GABRB2: variants seen among roughly 807,000 people sequenced by gnomAD.
The protein encoded by GABRB2 is gamma-aminobutyric acid type A receptor subunit beta2, also known as gamma-aminobutyric acid receptor subunit beta-2.
A neutral mutation model predicts 54.7 loss-of-function variants in GABRB2; 16 were observed. That is an observed-to-expected ratio of 0.29 (90% confidence interval 0.20 to 0.44). The LOEUF is 0.44. GABRB2 is among the 20% of genes least tolerant of loss of function. GABRB2 has a pLI of 1.00. For synonymous variants in GABRB2, 244 were observed against 233.8 expected (o/e 1.04, Z -0.40); for missense variants, 355 against 644.0 (o/e 0.55, Z 4.86).
chr5:161,407,403 G>A (rs1301576977), intron 5 of GABRB2, among the ~76,000 whole-genome samples: 1 of 152,058 alleles, frequency 6.6e-6, no homozygotes, highest in Admixed American at 6.6e-5. Context: ...TCCTGACAAT[G>A]TGATTAAAAC....
At chr5:161,372,877 C>G (rs1013942423) in intron 5 of GABRB2, among the ~76,000 whole-genome samples, 3 of 152,158 alleles carry the variant, frequency 2.0e-5, no homozygotes, top group Non-Finnish European at 4.4e-5. Context: ...CTCTGCTATG[C>G]TGCATGCACT....
At chr5:161,330,708 T>C (rs1753812773) in intron 8 of GABRB2, 175 bp downstream of exon 8, 3 of 822,042 alleles carry the variant, frequency 3.6e-6, no homozygotes, top group Non-Finnish European at 5.7e-6. Flanking sequence ...TCTTGTGTCA[T>C]GAGTTTGGTC....
rs147966597 is a variant in GABRB2, at chr5:161,334,516, A to G, written c.832+236T>C. On this transcript the variant is annotated intron_variant, in intron 7 of 9. Coordinates refer to ENST00000393959, the MANE Select transcript of GABRB2 (RefSeq NM_001371727.1). ...TAAAAATATCAAACTGATGGGACTAATCTCATTATCAACAGATATACGGTT... is the reference window on the plus strand; with the variant it reads ...TAAAAATATCAAACTGATGGGACTAGTCTCATTATCAACAGATATACGGTT... Among the ~76,000 whole-genome samples, 492 of 152,308 alleles carry G rather than the reference A, an allele frequency of 3.2e-3. 1 individual carries two copies. The highest frequency in any genetic ancestry group is 0.011 in the African/African-American group (439 of 41,586).
At chr5:161,322,609 A>G (rs1208065690) in intron 9 of GABRB2, among the ~76,000 whole-genome samples, 1 of 151,948 alleles carries the variant, frequency 6.6e-6, no homozygotes, top group Non-Finnish European at 1.5e-5. Flanking sequence ...TTTCTATTCC[A>G]TTTTTTTCCA....
intron 4 of GABRB2, among the ~76,000 whole-genome samples, chr5:161,419,042 A>G (rs1306467917): frequency 6.6e-6 from 1 of 152,134 alleles, no homozygotes; most frequent in Non-Finnish European, 1.5e-5. Context: ...TGGGAGGATC[A>G]CCTGAGCCTT....
intron 4 of GABRB2, 193 bp downstream of exon 4, chr5:161,459,431 T>C: frequency 1.7e-6 from 1 of 597,716 alleles, no homozygotes; most frequent in South Asian, 2.1e-5. Flanking sequence ...CAGAAAAATG[T>C]AGTCTTAGCT....
intron 9 of GABRB2, among the ~76,000 whole-genome samples, chr5:161,296,072 T>C (rs960868878): frequency 2.6e-5 from 4 of 152,202 alleles, no homozygotes; most frequent in Admixed American, 6.5e-5. Flanking sequence ...TGGCATTTTT[T>C]CCCAGAGGTT....
At chr5:161,387,819 C>T (rs547546658) in intron 5 of GABRB2, among the ~76,000 whole-genome samples, 4 of 152,142 alleles carry the variant, frequency 2.6e-5, no homozygotes, top group South Asian at 2.1e-4. Flanking sequence ...TAGACTAGCA[C>T]GTCTAGAAAT....
chr5:161,488,625 A>G (rs1758999011), intron 3 of GABRB2, among the ~76,000 whole-genome samples: 1 of 151,798 alleles, frequency 6.6e-6, no homozygotes, highest in Non-Finnish European at 1.5e-5. Context: ...TGATTTTTGC[A>G]CATTGCAGTT....
At chr5:161,344,704 C>T (rs1217619200) in intron 5 of GABRB2, among the ~76,000 whole-genome samples, 1 of 151,896 alleles carries the variant, frequency 6.6e-6, no homozygotes, top group African/African-American at 2.4e-5. Flanking sequence ...AATATATACC[C>T]AAAAATTATT....
At chr5:161,493,701 A>G (rs1157461254) in intron 3 of GABRB2, among the ~76,000 whole-genome samples, 1 of 151,724 alleles carries the variant, frequency 6.6e-6, no homozygotes, top group Non-Finnish European at 1.5e-5. Context: ...TCCTTCCACA[A>G]ATAACTATGC....
chr5:161,417,426 G>A (rs567673792), intron 4 of GABRB2, among the ~76,000 whole-genome samples: 15 of 152,262 alleles, frequency 9.9e-5, no homozygotes, highest in South Asian at 2.1e-4. Context: ...AGAGTCACAC[G>A]GTGAGTGGTA....
intron 4 of GABRB2, among the ~76,000 whole-genome samples, chr5:161,440,280 A>G (rs1757431274): frequency 6.6e-6 from 1 of 152,096 alleles, no homozygotes; most frequent in East Asian, 1.9e-4. Flanking sequence ...AAACTCTCCA[A>G]TCAAAACACA....
chr5:161,341,146 A>G (rs1754143420), intron 5 of GABRB2, among the ~76,000 whole-genome samples: 1 of 152,040 alleles, frequency 6.6e-6, no homozygotes, highest in African/African-American at 2.4e-5. Flanking sequence ...TATACTATGT[A>G]GGATGAGTTT....
chr5:161,520,732 C>G (rs2113429146), intron 3 of GABRB2, among the ~76,000 whole-genome samples: 1 of 152,094 alleles, frequency 6.6e-6, no homozygotes, highest in East Asian at 1.9e-4. Context: ...TGCATATACC[C>G]TATGCTAGCT....
chr5:161,321,488 G>C (rs865836021), intron 9 of GABRB2, among the ~76,000 whole-genome samples: 1 of 151,986 alleles, frequency 6.6e-6, no homozygotes, highest in Admixed American at 6.6e-5. Context: ...GGTCTTTCCT[G>C]TTCCAAAGTT....
chr5:161,307,247 C>T (rs1757715423), intron 9 of GABRB2, among the ~76,000 whole-genome samples: 2 of 152,126 alleles, frequency 1.3e-5, no homozygotes, highest in African/African-American at 4.8e-5. Flanking sequence ...GCAATGTAGG[C>T]ACTTCCTTCA....
chr5:161,319,102 T>C (rs1758130378), intron 9 of GABRB2, among the ~76,000 whole-genome samples: 1 of 151,222 alleles, frequency 6.6e-6, no homozygotes, highest in Non-Finnish European at 1.5e-5. Flanking sequence ...TTCCTTACTT[T>C]CCCTAATGTA....
intron 3 of GABRB2, among the ~76,000 whole-genome samples, chr5:161,492,861 A>G (rs1759123698): frequency 6.6e-6 from 1 of 151,500 alleles, no homozygotes; most frequent in Non-Finnish European, 1.5e-5. Context: ...AGTTTACTTT[A>G]CTCTTTTTAT....
Sources: gnomAD v4.1 joint callset for allele counts (sites outside exome capture counted in the v4.1 genomes callset) on GRCh38, gnomAD v4.1.1 for gene constraint, MANE v1.5 for transcripts, NCBI Gene and HGNC (gene_info 2026-07-23, HGNC 2026-07-21) for gene names.